The following KLHL32 variants were observed in gnomAD, a reference collection of about 807,000 sequenced individuals.
KLHL32 encodes kelch like family member 32, also known as kelch-like protein 32.
A neutral mutation model predicts 64.8 loss-of-function variants in KLHL32; 35 were observed. That is an observed-to-expected ratio of 0.54 (90% CI 0.41 to 0.72). The LOEUF is 0.72. KLHL32 is among the 30% of genes least tolerant of loss of function. The pLI is 0.00. For synonymous variants in KLHL32, 259 were observed against 281.0 expected (o/e 0.92, Z 0.78); for missense variants, 589 against 768.5 (o/e 0.77, Z 2.76).
At position 96,966,857 on chromosome 6, in the gene KLHL32, G is replaced by T. The variant is rs142973120; in HGVS notation, c.-65-139G>T. On this transcript the variant is annotated intron_variant, in intron 1 of 10. Coordinates refer to ENST00000369261, the MANE Select transcript of KLHL32 (RefSeq NM_052904.4). ...ATTACTTGTTTGTTAAAGGAGCATTGTGTCAGAACGTTTTATGTGGACAGT... is the reference window on the plus strand; with the variant it reads ...ATTACTTGTTTGTTAAAGGAGCATTTTGTCAGAACGTTTTATGTGGACAGT... The T allele has an allele frequency of 4.1e-4, 204 of 495,908 alleles. 1 individual carries two copies. The highest frequency in any genetic ancestry group is 2.9e-3 in the African/African-American group (152 of 53,100). The allele number at this position is 495,908 out of a possible 1,614,324, so 30.7% of individuals were successfully genotyped here.
intron 1 of KLHL32, among the ~76,000 whole-genome samples, chr6:96,936,185 C>T (rs1168496531): frequency 1.3e-5 from 2 of 152,056 alleles, no homozygotes; most frequent in Admixed American, 6.6e-5. Flanking sequence ...TGAGATATTC[C>T]ATAATCCAAT....
chr6:97,107,153 C>T (rs1796522541), intron 6 of KLHL32, among the ~76,000 whole-genome samples: 2 of 151,702 alleles, frequency 1.3e-5, no homozygotes, highest in South Asian at 4.2e-4. Flanking sequence ...ATTAGCTGGG[C>T]GTGGTGGCAG....
At chr6:96,914,688 A>AT in the KLHL32 span, 57 of 146,084 alleles carry the variant, frequency 3.9e-4, no homozygotes, top group Middle Eastern at 3.5e-3. Context: ...TTTTTCTTTT[A>AT]TTTTTTTTTT....
At chr6:97,011,279 G>A (rs1780374910) in intron 3 of KLHL32, among the ~76,000 whole-genome samples, 1 of 152,164 alleles carries the variant, frequency 6.6e-6, no homozygotes, top group Admixed American at 6.5e-5. Context: ...GGTGGTTGCT[G>A]AAAATAATAG....
At chr6:97,026,474 T>C (rs1484413841) in intron 3 of KLHL32, among the ~76,000 whole-genome samples, 1 of 152,196 alleles carries the variant, frequency 6.6e-6, no homozygotes, top group African/African-American at 2.4e-5. Flanking sequence ...AAATGGTTGC[T>C]TAGCAACTAA....
chr6:97,110,426 T>G (rs572898511), intron 6 of KLHL32, among the ~76,000 whole-genome samples: 2 of 152,322 alleles, frequency 1.3e-5, no homozygotes, highest in African/African-American at 4.8e-5. Flanking sequence ...CACGTTCACT[T>G]CATTCAGAAA....
At chr6:97,103,470 C>T (rs1432606084) in intron 6 of KLHL32, among the ~76,000 whole-genome samples, 1 of 152,156 alleles carries the variant, frequency 6.6e-6, no homozygotes, top group Non-Finnish European at 1.5e-5. Flanking sequence ...GCCTTGGCCT[C>T]CCAAAGTGCT....
chr6:97,106,830 G>C (rs1796479424), intron 6 of KLHL32, among the ~76,000 whole-genome samples: 1 of 151,906 alleles, frequency 6.6e-6, no homozygotes, highest in Non-Finnish European at 1.5e-5. Flanking sequence ...TTTTCCCTCA[G>C]TATTTGTTCT....
intron 4 of KLHL32, among the ~76,000 whole-genome samples, chr6:97,049,704 T>C (rs1184852853): frequency 6.6e-6 from 1 of 152,198 alleles, no homozygotes; most frequent in Non-Finnish European, 1.5e-5. Flanking sequence ...TTGAGAAGTG[T>C]GAAACAAAAG....
At chr6:96,944,607 C>T (rs1771717577) in intron 1 of KLHL32, among the ~76,000 whole-genome samples, 1 of 152,168 alleles carries the variant, frequency 6.6e-6, no homozygotes, top group Admixed American at 6.5e-5. Flanking sequence ...GTCATTTAGT[C>T]TTAAAAGTAT....
intron 3 of KLHL32, among the ~76,000 whole-genome samples, chr6:97,032,397 A>G (rs117868733): frequency 6.0e-3 from 907 of 152,324 alleles, no homozygotes; most frequent in Non-Finnish European, 9.3e-3. Flanking sequence ...GATATACATT[A>G]TTTAAGGAAT....
At chr6:96,927,457 A>G (rs1466213046) in intron 1 of KLHL32, among the ~76,000 whole-genome samples, 3 of 149,776 alleles carry the variant, frequency 2.0e-5, no homozygotes, top group East Asian at 1.9e-4. Context: ...CTCCTTTAAT[A>G]ACTATCTTGT....
At chr6:96,993,164 C>T (rs1000485080) in intron 3 of KLHL32, among the ~76,000 whole-genome samples, 7 of 152,222 alleles carry the variant, frequency 4.6e-5, no homozygotes, top group Admixed American at 3.3e-4. Context: ...TCCTTATACT[C>T]AGTATTTTCT....
chr6:97,066,673 C>T (rs534958275), intron 5 of KLHL32, among the ~76,000 whole-genome samples: 5 of 152,220 alleles, frequency 3.3e-5, no homozygotes, highest in Admixed American at 6.5e-5. Flanking sequence ...ATCATGTCGA[C>T]GTAGAAACCT....
At chr6:96,898,655 CTG>C in the KLHL32 span, among the ~76,000 whole-genome samples, 4 of 151,882 alleles carry the variant, frequency 2.6e-5, no homozygotes, top group Admixed American at 2.6e-4. Flanking sequence ...TTTTAAGCCT[CTG>C]TGTAATTTAA....
At chr6:96,999,031 A>G (rs890436310) in intron 3 of KLHL32, among the ~76,000 whole-genome samples, 2 of 152,332 alleles carry the variant, frequency 1.3e-5, no homozygotes, top group South Asian at 2.1e-4. Flanking sequence ...AAGAAAAAAA[A>G]TTTAAGGAGG....
chr6:96,981,102 C>T (rs1249721240), intron 3 of KLHL32, among the ~76,000 whole-genome samples: 1 of 152,128 alleles, frequency 6.6e-6, no homozygotes, highest in Admixed American at 6.6e-5. Context: ...TAACTGCCCC[C>T]ATAATTCAAT....
At chr6:97,132,260 A>G (rs1407724839) in intron 9 of KLHL32, among the ~76,000 whole-genome samples, 1 of 152,208 alleles carries the variant, frequency 6.6e-6, no homozygotes, top group Non-Finnish European at 1.5e-5. Flanking sequence ...TACTTTACAA[A>G]TGTAAGCACT....
At chr6:97,037,199 A>G (rs1228572167) in intron 3 of KLHL32, among the ~76,000 whole-genome samples, 2 of 152,024 alleles carry the variant, frequency 1.3e-5, no homozygotes, top group African/African-American at 4.8e-5. Flanking sequence ...ATGGCAAGAG[A>G]GCAATAATTT....
Sources: allele counts gnomAD v4.1 joint callset (sites outside exome capture counted in the v4.1 genomes callset), GRCh38; gene constraint gnomAD v4.1.1; transcripts MANE v1.5; gene names NCBI Gene and HGNC (gene_info 2026-07-23, HGNC 2026-07-21).